Variants in SPECC1 observed in about 807,000 individuals in gnomAD.
SPECC1 encodes the protein cytospin-B.
SPECC1 carries 62 observed loss-of-function variants against 104.1 expected under a neutral mutation model. The ratio of observed to expected loss-of-function variants is 0.60; its 90% CI spans 0.49 to 0.74. The LOEUF (loss-of-function observed/expected upper bound fraction) is 0.74. Ranked by LOEUF, SPECC1 falls within the 30% of genes least tolerant of loss-of-function variation. The probability of loss-of-function intolerance (pLI) is 0.00; values close to 1 mark genes in which losing one functional copy is unlikely to be tolerated. For synonymous variants in SPECC1, 513 were observed against 501.6 expected (o/e 1.02, Z -0.30); for missense variants, 1,306 against 1,310.5 (o/e 1.00, Z 0.05).
chr17:20,223,896 T>C (rs907381614), intron 4 of SPECC1, among the ~76,000 whole-genome samples: 11 of 152,194 alleles, frequency 7.2e-5, no homozygotes, highest in African/African-American at 2.7e-4. Flanking sequence ...TGCTTGTGGA[T>C]GTTCATAGAT....
chr17:20,264,992 G>A, intron 12 of SPECC1, among the ~76,000 whole-genome samples: 1 of 152,142 alleles, frequency 6.6e-6, no homozygotes, highest in East Asian at 1.9e-4. Context: ...TATTTCCATG[G>A]TGTATATTTA....
intron 1 of SPECC1, among the ~76,000 whole-genome samples, chr17:20,063,432 A>G (rs1422835354): frequency 6.6e-6 from 1 of 151,944 alleles, no homozygotes; most frequent in Non-Finnish European, 1.5e-5. Context: ...TCTTGATTAG[A>G]TTTGCCAGAG....
At chr17:20,213,754 A>G (rs963080494) in intron 4 of SPECC1, among the ~76,000 whole-genome samples, 4 of 152,186 alleles carry the variant, frequency 2.6e-5, no homozygotes, top group Admixed American at 2.6e-4. Flanking sequence ...CTGGCCACCA[A>G]GGAAGTGATG....
At chr17:20,235,754 A>G (rs984147002) in intron 7 of SPECC1, among the ~76,000 whole-genome samples, 15 of 152,260 alleles carry the variant, frequency 9.9e-5, no homozygotes, top group Non-Finnish European at 2.1e-4. Context: ...ACGTCTTTAA[A>G]AGAGATAATT....
chr17:20,019,207 CATTCATT>C (rs1427192652), intron 1 of SPECC1, among the ~76,000 whole-genome samples: 2 of 127,188 alleles, frequency 1.6e-5, no homozygotes, highest in African/African-American at 2.8e-5. Flanking sequence ...AAGACCCTAT[CATTCATT>C]TATTTATTTA....
At chr17:20,156,665 C>T (rs952530615) in intron 3 of SPECC1, among the ~76,000 whole-genome samples, 1 of 152,100 alleles carries the variant, frequency 6.6e-6, no homozygotes, top group Non-Finnish European at 1.5e-5. Flanking sequence ...CTCACACTCA[C>T]GCCAGGGCTG....
intron 1 of SPECC1, among the ~76,000 whole-genome samples, chr17:20,029,433 A>G (rs931308008): frequency 6.6e-6 from 1 of 152,212 alleles, no homozygotes; most frequent in African/African-American, 2.4e-5. Flanking sequence ...AGGATTTTCT[A>G]AAGATCGTAT....
chr17:20,297,327 C>G (rs892030283), intron 13 of SPECC1, among the ~76,000 whole-genome samples: 2 of 152,172 alleles, frequency 1.3e-5, no homozygotes, highest in African/African-American at 2.4e-5. Context: ...AAAGCCTATT[C>G]CAAAGAACCA....
chr17:20,075,490 T>G (rs1180839809), intron 1 of SPECC1, among the ~76,000 whole-genome samples: 1 of 152,182 alleles, frequency 6.6e-6, no homozygotes, highest in East Asian at 1.9e-4. Context: ...ATCCCACACT[T>G]TAAAGCAACT....
At chr17:20,286,921 G>A (rs1348725397) in intron 12 of SPECC1, among the ~76,000 whole-genome samples, 1 of 152,152 alleles carries the variant, frequency 6.6e-6, no homozygotes, top group Non-Finnish European at 1.5e-5. Context: ...TGGCCCCCAG[G>A]GCCCAGGCTG....
intron 12 of SPECC1, among the ~76,000 whole-genome samples, chr17:20,285,733 C>T (rs11653630): frequency 0.42 from 64,289 of 151,554 alleles, 14,259 homozygotes; most frequent in East Asian, 0.8. Flanking sequence ...GGGTCCTTCC[C>T]TCCTTGTTTC....
At chr17:20,214,412 A>G (rs766654885) in intron 4 of SPECC1, among the ~76,000 whole-genome samples, 10 of 152,228 alleles carry the variant, frequency 6.6e-5, no homozygotes, top group Non-Finnish European at 1.3e-4. Context: ...TACTGTTGAG[A>G]AAGATGACTT....
intron 3 of SPECC1, among the ~76,000 whole-genome samples, chr17:20,131,719 G>A (rs189978131): frequency 2.1e-3 from 311 of 145,962 alleles, no homozygotes; most frequent in Non-Finnish European, 3.7e-3. Context: ...GCACAATTTC[G>A]GCTCACTGCA....
chr17:20,128,613 G>T (rs1439303120), intron 3 of SPECC1, among the ~76,000 whole-genome samples: 1 of 152,114 alleles, frequency 6.6e-6, no homozygotes, highest in East Asian at 1.9e-4. Flanking sequence ...TGACCTGGTA[G>T]CTTGTCGATC....
intron 3 of SPECC1, among the ~76,000 whole-genome samples, chr17:20,124,772 C>T (rs1213756750): frequency 6.6e-6 from 1 of 152,112 alleles, no homozygotes; most frequent in Non-Finnish European, 1.5e-5. Context: ...TCATATGAGC[C>T]TACATTTGGG....
intron 12 of SPECC1, among the ~76,000 whole-genome samples, chr17:20,294,046 A>G (rs942370132): frequency 6.6e-6 from 1 of 152,100 alleles, no homozygotes; most frequent in Non-Finnish European, 1.5e-5. Flanking sequence ...CAGTGGTGCA[A>G]TCTCAGCTCA....
intron 3 of SPECC1, among the ~76,000 whole-genome samples, chr17:20,161,165 C>T (rs571593452): frequency 6.6e-6 from 1 of 152,242 alleles, no homozygotes; most frequent in South Asian, 2.1e-4. Flanking sequence ...GAGCTGAGAT[C>T]GCGCTACTGC....
intron 3 of SPECC1, among the ~76,000 whole-genome samples, chr17:20,191,589 C>A (rs982058881): frequency 6.6e-6 from 1 of 150,944 alleles, no homozygotes; most frequent in African/African-American, 2.4e-5. Flanking sequence ...TGGTTTGTTG[C>A]ACCCATCATC....
At position 20,139,399 on chromosome 17, in the gene SPECC1, G is replaced by A. The variant is rs374629918; in HGVS notation, c.283+28837G>A. On this transcript the variant is annotated intron_variant, in intron 3 of 14. Coordinates refer to ENST00000395527, the MANE Select transcript of SPECC1 (RefSeq NM_001243439.2). ...ATATTTAGTGTCTACTATGTTCCAG[G>A]CATCTTTCTGGGTGCTAGGGATGCA... 6.1e-4 allele frequency among the ~76,000 whole-genome samples: 91 copies of A among 150,248 alleles called. No homozygotes were observed. The South Asian group carries it at 8.5e-3, about 14-fold the overall frequency.
Sources: gnomAD v4.1 joint callset for allele counts (sites outside exome capture counted in the v4.1 genomes callset) on GRCh38, gnomAD v4.1.1 for gene constraint, MANE v1.5 for transcripts, NCBI Gene and HGNC (gene_info 2026-07-23, HGNC 2026-07-21) for gene names.